The following TENM2 variants were observed in gnomAD, a reference collection of about 807,000 sequenced individuals.
TENM2 encodes teneurin-2.
In TENM2, 52 loss-of-function variants were observed where a neutral mutation model predicts 245.2. That is an observed-to-expected ratio of 0.21 (90% CI 0.17 to 0.27). The LOEUF (loss-of-function observed/expected upper bound fraction) is 0.27, where lower values mean the gene tolerates loss of function less well. TENM2 is among the 10% of genes least tolerant of loss of function. The probability of loss-of-function intolerance (pLI) is 1.00; values close to 1 mark genes in which losing one functional copy is unlikely to be tolerated. For synonymous variants in TENM2, 1,363 were observed against 1,438.9 expected (o/e 0.95, Z 1.19); for missense variants, 3,046 against 3,666.8 (o/e 0.83, Z 4.37).
chr5:167,932,929 A>G (rs147377541), intron 3 of TENM2, among the ~76,000 whole-genome samples: 11 of 152,178 alleles, frequency 7.2e-5, no homozygotes, highest in African/African-American at 2.7e-4. Context: ...GAAAAGAGCT[A>G]AACTCTAGAC....
chr5:167,890,634 A>T (rs370267221), intron 3 of TENM2, among the ~76,000 whole-genome samples: 2 of 152,178 alleles, frequency 1.3e-5, no homozygotes, highest in Non-Finnish European at 2.9e-5. Context: ...TACCTGCATT[A>T]TGTCATGGCC....
intron 3 of TENM2, among the ~76,000 whole-genome samples, chr5:167,943,698 T>G (rs1413334233): frequency 6.6e-6 from 1 of 152,198 alleles, no homozygotes; most frequent in African/African-American, 2.4e-5. Flanking sequence ...AAGAGTATTT[T>G]CTGCTACAGC....
chr5:167,407,830 A>G (rs1009535774), intron 2 of TENM2, among the ~76,000 whole-genome samples: 13 of 152,182 alleles, frequency 8.5e-5, no homozygotes, highest in African/African-American at 3.1e-4. Context: ...AATAACCACA[A>G]CAAAAAACCA....
At chr5:167,871,552 G>C (rs1772826875) in intron 2 of TENM2, among the ~76,000 whole-genome samples, 1 of 152,192 alleles carries the variant, frequency 6.6e-6, no homozygotes, top group Admixed American at 6.5e-5. Flanking sequence ...GTTTGACTTT[G>C]ATTTACATGG....
At chr5:168,095,205 T>C (rs1793264007) in intron 8 of TENM2, among the ~76,000 whole-genome samples, 1 of 152,190 alleles carries the variant, frequency 6.6e-6, no homozygotes, top group African/African-American at 2.4e-5. Context: ...ACAATTGTCT[T>C]CCATGGAACC....
At chr5:167,776,161 C>CCACA (rs66740766) in intron 2 of TENM2, among the ~76,000 whole-genome samples, 2,205 of 133,094 alleles carry the variant, frequency 0.017, 24 homozygotes, top group Non-Finnish European at 0.021. Flanking sequence ...AAAAAAAAAT[C>CCACA]CACACACACA....
At chr5:167,865,178 G>A (rs1328746216) in intron 2 of TENM2, among the ~76,000 whole-genome samples, 1 of 152,216 alleles carries the variant, frequency 6.6e-6, no homozygotes, top group Non-Finnish European at 1.5e-5. Context: ...GCCTTCATCT[G>A]AAATTGTTGG....
chr5:168,007,622 T>C (rs939606584), intron 5 of TENM2, among the ~76,000 whole-genome samples: 1 of 152,190 alleles, frequency 6.6e-6, no homozygotes, highest in Non-Finnish European at 1.5e-5. Flanking sequence ...CAATTTGAGA[T>C]GGGTTCTCTT....
intron 7 of TENM2, among the ~76,000 whole-genome samples, chr5:168,081,838 A>T (rs1028937065): frequency 5.3e-5 from 8 of 152,130 alleles, no homozygotes; most frequent in African/African-American, 1.9e-4. Flanking sequence ...GGGTAACCAG[A>T]CCTTTCTCTC....
chr5:167,934,972 G>T, intron 3 of TENM2: 1 of 950,188 alleles, frequency 1.1e-6, no homozygotes, highest in Non-Finnish European at 1.3e-6. Context: ...AGCAAAGAAA[G>T]GGGGTGGGAA....
chr5:168,123,220 G>A (rs1795600534), intron 10 of TENM2, among the ~76,000 whole-genome samples: 1 of 152,058 alleles, frequency 6.6e-6, no homozygotes, highest in African/African-American at 2.4e-5. Flanking sequence ...GATCACTTGA[G>A]CTCAGGTGTT....
chr5:167,705,580 G>A (rs915530411), intron 2 of TENM2, among the ~76,000 whole-genome samples: 2 of 152,086 alleles, frequency 1.3e-5, no homozygotes, highest in African/African-American at 4.8e-5. Context: ...ATTGGCTGTG[G>A]TGGGGAGGGG....
intron 1 of TENM2, among the ~76,000 whole-genome samples, chr5:167,367,864 A>G (rs575051692): frequency 6.6e-6 from 1 of 152,086 alleles, no homozygotes; most frequent in African/African-American, 2.4e-5. Flanking sequence ...TATGGGCAAA[A>G]ACTTAAGGCA....
chr5:167,304,433 G>T (rs1051985900), intron 1 of TENM2, among the ~76,000 whole-genome samples: 2 of 152,170 alleles, frequency 1.3e-5, no homozygotes, highest in Non-Finnish European at 2.9e-5. Context: ...GGGTTAAGAC[G>T]TTTGGCAGCT....
chr5:168,204,162 G>T (rs1762165200), intron 18 of TENM2, among the ~76,000 whole-genome samples: 1 of 151,236 alleles, frequency 6.6e-6, no homozygotes, highest in African/African-American at 2.4e-5. Context: ...AAGCTTCTTT[G>T]GTTATCCTCC....
intron 15 of TENM2, among the ~76,000 whole-genome samples, chr5:168,196,323 T>C (rs1761427419): frequency 6.6e-6 from 1 of 152,196 alleles, no homozygotes; most frequent in Non-Finnish European, 1.5e-5. Flanking sequence ...AAATCTTCAA[T>C]ATTCATGAAA....
intron 9 of TENM2, among the ~76,000 whole-genome samples, chr5:168,101,605 C>T (rs923644160): frequency 2.0e-5 from 3 of 152,188 alleles, no homozygotes; most frequent in Admixed American, 1.3e-4. Context: ...TATAATTGAT[C>T]CTTGTGAAAC....
At chr5:167,298,341 C>A (rs1185379932) in intron 1 of TENM2, among the ~76,000 whole-genome samples, 1 of 152,200 alleles carries the variant, frequency 6.6e-6, no homozygotes, top group Non-Finnish European at 1.5e-5. Context: ...CGGTGGCTCA[C>A]GCCTGTAATC....
At chr5:167,637,638 C>T (rs1232826393) in intron 2 of TENM2, among the ~76,000 whole-genome samples, 1 of 152,068 alleles carries the variant, frequency 6.6e-6, no homozygotes, top group East Asian at 1.9e-4. Context: ...TACTATGCAG[C>T]CATAAAAAGA....
Sources: allele counts gnomAD v4.1 joint callset (sites outside exome capture counted in the v4.1 genomes callset), GRCh38; gene constraint gnomAD v4.1.1; transcripts MANE v1.5; gene names NCBI Gene and HGNC (gene_info 2026-07-23, HGNC 2026-07-21).